Variants in CAPN9 observed in about 807,000 individuals in gnomAD.
The protein encoded by CAPN9 is calpain-9.
In CAPN9, 81 loss-of-function variants were observed where a neutral mutation model predicts 92.8. The ratio of observed to expected loss-of-function variants is 0.87; its 90% CI spans 0.73 to 1.05. The LOEUF is 1.05. Among genes scored for constraint, CAPN9 ranks in the 50% least tolerant of loss-of-function variants. The probability of loss-of-function intolerance (pLI) is 0.00; values close to 1 mark genes in which losing one functional copy is unlikely to be tolerated. For missense variants in CAPN9, 848 were observed against 866.2 expected (o/e 0.98, Z 0.26); for synonymous variants, 304 against 328.0 (o/e 0.93, Z 0.79).
At chr1:230,799,361 A>G (rs1178242154) in intron 19 of CAPN9, among the ~76,000 whole-genome samples, 1 of 152,194 alleles carries the variant, frequency 6.6e-6, no homozygotes, top group African/African-American at 2.4e-5. Flanking sequence ...TATTACACCC[A>G]AAGCTTTGCT....
chr1:230,798,334 G>A, intron 19 of CAPN9, 114 bp downstream of exon 19: 1 of 709,410 alleles, frequency 1.4e-6, no homozygotes, highest in Non-Finnish European at 2.5e-6. Flanking sequence ...ATCTAGCTGT[G>A]GGAGTGATTA....
rs1273667015 is a variant in CAPN9 at position 230,791,893 on chromosome 1, C to T, written c.1687C>T (p.Leu563=). Reference sequence around the variant, plus strand: ...GGACATCAAATTCAAGAAGCTAAGCCTGATCTCCTGTAAAAACATCATTTC... The same window carrying T: ...GGACATCAAATTCAAGAAGCTAAGCTTGATCTCCTGTAAAAACATCATTTC... The part of the protein sequence containing the change: ...KKDIKFKKLS[L]ISCKNIISLM... The change falls in exon 15 of 20, where the codon CTG becomes TTG. Residue 563 remains leucine (L), a synonymous_variant. Coordinates refer to ENST00000271971, the MANE Select transcript of CAPN9 (RefSeq NM_006615.3). The T allele has an allele frequency of 6.2e-7, 1 of 1,613,694 alleles. No individual in the cohort carries two copies. The highest frequency in any genetic ancestry group is 8.5e-7 in the Non-Finnish European group (1 of 1,179,606).
At chr1:230,767,771 C>T in intron 5 of CAPN9, 62 bp downstream of exon 5, 1 of 1,503,526 alleles carries the variant, frequency 6.7e-7, no homozygotes, top group Non-Finnish European at 9.1e-7. Flanking sequence ...GCATTCCAGG[C>T]ACTATGCTGG....
chr1:230,752,909 T>C (rs568120094), intron 1 of CAPN9, among the ~76,000 whole-genome samples: 2 of 152,300 alleles, frequency 1.3e-5, no homozygotes, highest in African/African-American at 2.4e-5. Context: ...TGGCCCACCC[T>C]GAACCCTACT....
At chr1:230,763,363 A>C (rs1332989820) in intron 4 of CAPN9, among the ~76,000 whole-genome samples, 1 of 152,164 alleles carries the variant, frequency 6.6e-6, no homozygotes, top group African/African-American at 2.4e-5. Flanking sequence ...TTCATCTTGC[A>C]AAACTGAAAT....
chr1:230,785,015 A>G (rs28741098), intron 11 of CAPN9, among the ~76,000 whole-genome samples: 3,803 of 152,332 alleles, frequency 0.025, 63 homozygotes, highest in Non-Finnish European at 0.04. Flanking sequence ...CATGGAGTCA[A>G]AGGAGATCAC....
chr1:230,752,886 G>T (rs185720199), intron 1 of CAPN9, among the ~76,000 whole-genome samples: 1 of 152,300 alleles, frequency 6.6e-6, no homozygotes, highest in Admixed American at 6.5e-5. Context: ...GGATGCAGCC[G>T]TGAGAAGTTA....
chr1:230,773,206 C>T (rs1666504716), intron 7 of CAPN9, among the ~76,000 whole-genome samples: 2 of 152,154 alleles, frequency 1.3e-5, no homozygotes. Context: ...TGTCATTGTC[C>T]CCATGGAGGC....
intron 16 of CAPN9, 47 bp from the exon 17 acceptor site, chr1:230,792,803 C>A (rs576948071): frequency 6.6e-7 from 1 of 1,522,388 alleles, no homozygotes; most frequent in East Asian, 2.2e-5. Flanking sequence ...ATCAGCGATG[C>A]CTTTCAGGCA....
chr1:230,798,381 C>G (rs1000089052), intron 19 of CAPN9, among the ~76,000 whole-genome samples, 161 bp downstream of exon 19: 2 of 152,150 alleles, frequency 1.3e-5, no homozygotes, highest in Non-Finnish European at 2.9e-5. Context: ...TACTATTTAT[C>G]AAGTAATCAA....
intron 11 of CAPN9, among the ~76,000 whole-genome samples, chr1:230,781,569 T>G (rs1399099907): frequency 1.3e-5 from 2 of 152,246 alleles, no homozygotes; most frequent in Non-Finnish European, 2.9e-5. Flanking sequence ...TGTTTCCCAT[T>G]ACTGCCCATT....
rs28359598 is a variant in CAPN9 at position 230,755,889 on chromosome 1, C to G, written c.283+483C>G. On this transcript the variant is annotated intron_variant, in intron 2 of 19. Coordinates refer to ENST00000271971, the MANE Select transcript of CAPN9 (RefSeq NM_006615.3). ...CAGGATTTGAACCCAGACACTCCAGCAGCAGAGCCCTTACTGCTAACCATT... is the reference window on the plus strand; with the variant it reads ...CAGGATTTGAACCCAGACACTCCAGGAGCAGAGCCCTTACTGCTAACCATT... Among the ~76,000 whole-genome samples, 502 of 152,256 alleles carry G rather than the reference C, an allele frequency of 3.3e-3. 3 individuals are homozygous for G. The highest frequency in any genetic ancestry group is 0.012 in the African/African-American group (489 of 41,538).
At chr1:230,761,635 A>T (rs1464329942) in intron 3 of CAPN9, among the ~76,000 whole-genome samples, 1 of 151,964 alleles carries the variant, frequency 6.6e-6, no homozygotes, top group Non-Finnish European at 1.5e-5. Flanking sequence ...ATGCAGCAAG[A>T]TGCTCAGGAT....
At chr1:230,768,053 TAAAAAATA>T (rs1358277073) in intron 5 of CAPN9, among the ~76,000 whole-genome samples, 34 of 69,882 alleles carry the variant, frequency 4.9e-4, no homozygotes, top group Admixed American at 2.3e-3. Flanking sequence ...AATAAATAAA[TAAAAAATA>T]AAATAAAATA....
intron 11 of CAPN9, among the ~76,000 whole-genome samples, chr1:230,784,741 C>G (rs987322308): frequency 1.3e-5 from 2 of 152,264 alleles, no homozygotes; most frequent in Non-Finnish European, 1.5e-5. Flanking sequence ...TCACAGAGAA[C>G]TTCTACTAGG....
chr1:230,751,199 G>A (rs1664735925), intron 1 of CAPN9, among the ~76,000 whole-genome samples: 1 of 152,196 alleles, frequency 6.6e-6, no homozygotes, highest in South Asian at 2.1e-4. Flanking sequence ...CCTGCACGGT[G>A]AGCTTGCCGT....
chr1:230,751,609 GA>G (rs1664806421), intron 1 of CAPN9, among the ~76,000 whole-genome samples: 1 of 31,862 alleles, frequency 3.1e-5, no homozygotes, highest in Non-Finnish European at 6.8e-5. Flanking sequence ...AAGAAAGAAA[GA>G]GAAAGAAAGA....
intron 4 of CAPN9, among the ~76,000 whole-genome samples, chr1:230,766,606 T>C (rs954521868): frequency 3.3e-5 from 5 of 152,088 alleles, no homozygotes; most frequent in African/African-American, 9.7e-5. Context: ...CAGTGTGGGG[T>C]CCTGGGTGGG....
In CAPN9 at chr1:230,778,955, C is replaced by G; in HGVS notation, c.954-18C>G. 6.2e-7 allele frequency: 1 copy of G among 1,609,340 alleles called. No individual in the cohort carries two copies. Among genetic ancestry groups the G allele is most frequent in the Non-Finnish European group, 8.5e-7 (1 of 1,177,088 alleles). On this transcript the variant is annotated intron_variant, in intron 8 of 19. Transcript: ENST00000271971. Reference sequence around the variant, plus strand: ...ACTCTTGCCCTCCTGTGCATCGTGTCTCTCCGCTTTGCTGCAGGATGGCAT... The same window carrying G: ...ACTCTTGCCCTCCTGTGCATCGTGTGTCTCCGCTTTGCTGCAGGATGGCAT...
Sources: allele counts gnomAD v4.1 joint callset (sites outside exome capture counted in the v4.1 genomes callset), GRCh38; gene constraint gnomAD v4.1.1; transcripts MANE v1.5; gene names NCBI Gene and HGNC (gene_info 2026-07-23, HGNC 2026-07-21).